Variants in TM9SF2 observed in about 807,000 individuals in gnomAD.
TM9SF2 encodes transmembrane 9 superfamily member 2, also known as 76 kDa membrane protein.
Under a neutral mutation model 84.9 loss-of-function variants are expected in TM9SF2, and 13 were observed. The ratio of observed to expected loss-of-function variants is 0.15; its 90% CI spans 0.10 to 0.24. The LOEUF (loss-of-function observed/expected upper bound fraction) is 0.24, where lower values mean the gene tolerates loss of function less well. Among genes scored for constraint, TM9SF2 ranks in the 10% least tolerant of loss-of-function variants. The probability of loss-of-function intolerance (pLI) is 1.00; values close to 1 mark genes in which losing one functional copy is unlikely to be tolerated. For missense variants in TM9SF2, 562 were observed against 818.5 expected (o/e 0.69, Z 3.82); for synonymous variants, 273 against 285.8 (o/e 0.96, Z 0.45).
chr13:99,536,462 C>G lies in TM9SF2; in HGVS notation c.462-146C>G, dbSNP rs146875346. ...TATTGTTATTGCTTATGAAATAGCACATTTCATTAACATTCTTTGTGGTTT... is the reference window on the plus strand; with the variant it reads ...TATTGTTATTGCTTATGAAATAGCAGATTTCATTAACATTCTTTGTGGTTT... On this transcript the variant is annotated intron_variant, in intron 4 of 16. Coordinates refer to ENST00000376387, the MANE Select transcript of TM9SF2 (RefSeq NM_004800.3). 6.8e-5 allele frequency: 65 copies of G among 962,070 alleles called. No homozygotes were observed. The African/African-American group carries it at 9.5e-4, about 14-fold the overall frequency. 59.6% of individuals were successfully genotyped at this position (962,070 alleles called of 1,614,324 possible).
chr13:99,560,705 G>A (rs574819736), intron 16 of TM9SF2, among the ~76,000 whole-genome samples: 9 of 151,654 alleles, frequency 5.9e-5, no homozygotes, highest in Admixed American at 2.0e-4. Context: ...TTTTTGAGAC[G>A]GAGTCTCACT....
At chr13:99,517,079 C>A (rs1196255387) in intron 1 of TM9SF2, among the ~76,000 whole-genome samples, 1 of 151,996 alleles carries the variant, frequency 6.6e-6, no homozygotes, top group Non-Finnish European at 1.5e-5. Context: ...GAGACATTTG[C>A]AACTCTGAAA....
chr13:99,552,678 A>C (rs944482875), intron 13 of TM9SF2, among the ~76,000 whole-genome samples: 2 of 152,210 alleles, frequency 1.3e-5, no homozygotes, highest in Non-Finnish European at 2.9e-5. Flanking sequence ...ATCTCGGCTC[A>C]CTGCAACCTC....
At chr13:99,510,861 C>T (rs905629942) in intron 1 of TM9SF2, among the ~76,000 whole-genome samples, 4 of 152,150 alleles carry the variant, frequency 2.6e-5, no homozygotes, top group Non-Finnish European at 5.9e-5. Context: ...ATTATTTTGT[C>T]ATCCAAAATG....
chr13:99,559,309 C>A, intron 15 of TM9SF2, 54 bp from the exon 16 acceptor site: 1 of 1,462,360 alleles, frequency 6.8e-7, no homozygotes. Context: ...TAGTAAGCTA[C>A]ATCTTATCTA....
At chr13:99,529,758 G>A (rs1202317581) in intron 4 of TM9SF2, among the ~76,000 whole-genome samples, 164 bp downstream of exon 4, 7 of 152,150 alleles carry the variant, frequency 4.6e-5, no homozygotes, top group African/African-American at 7.2e-5. Flanking sequence ...CTTAGTTAAA[G>A]ATGACAACAT....
At chr13:99,549,102 T>C in intron 11 of TM9SF2, 63 bp from the exon 12 acceptor site, 1 of 1,416,742 alleles carries the variant, frequency 7.1e-7, no homozygotes, top group South Asian at 1.2e-5. Flanking sequence ...AGACTTGTAA[T>C]ATGGATATTT....
chr13:99,555,205 C>A (rs996684104), intron 14 of TM9SF2, among the ~76,000 whole-genome samples: 2 of 152,136 alleles, frequency 1.3e-5, no homozygotes, highest in Non-Finnish European at 1.5e-5. Context: ...TGATAAGAAA[C>A]GGTTACCTAT....
intron 4 of TM9SF2, among the ~76,000 whole-genome samples, chr13:99,531,382 A>C (rs2046208527): frequency 6.6e-6 from 1 of 152,170 alleles, no homozygotes. Flanking sequence ...ATATTAGATC[A>C]CATTGTTTGC....
At chr13:99,548,200 C>T (rs2046291619) in intron 11 of TM9SF2, among the ~76,000 whole-genome samples, 1 of 152,108 alleles carries the variant, frequency 6.6e-6, no homozygotes, top group Admixed American at 6.6e-5. Flanking sequence ...TTTCCCACAC[C>T]CTGCTCCCAT....
chr13:99,530,604 C>G (rs2046204317), intron 4 of TM9SF2, among the ~76,000 whole-genome samples: 1 of 152,178 alleles, frequency 6.6e-6, no homozygotes, highest in Non-Finnish European at 1.5e-5. Context: ...GGACCTGGGT[C>G]AGTCTTCTAG....
At chr13:99,550,269 C>CA (rs2046300298) in intron 12 of TM9SF2, among the ~76,000 whole-genome samples, 1 of 152,170 alleles carries the variant, frequency 6.6e-6, no homozygotes, top group African/African-American at 2.4e-5. Flanking sequence ...CTATTCCCAA[C>CA]AAAATGCCTT....
At chr13:99,532,533 T>C (rs1272170001) in intron 4 of TM9SF2, among the ~76,000 whole-genome samples, 1 of 151,822 alleles carries the variant, frequency 6.6e-6, no homozygotes, top group Non-Finnish European at 1.5e-5. Flanking sequence ...CTACTAAAAA[T>C]ACAAAAATTA....
chr13:99,534,203 G>C (rs980618577), intron 4 of TM9SF2, among the ~76,000 whole-genome samples: 3 of 152,130 alleles, frequency 2.0e-5, no homozygotes, highest in African/African-American at 7.2e-5. Context: ...CTAGTTATCA[G>C]AGTACTTACC....
Position 99,508,754 on chromosome 13 carries a change from C to G in TM9SF2, c.171+6977C>G, listed in dbSNP as rs376175725. On this transcript the variant is annotated intron_variant, in intron 1 of 16. Transcript: ENST00000376387. ...CTGTTGAGCGAGATGCCACACTTTA[C>G]AACAAGCAGATCTCACAAGGACTCA... 2.6e-5 allele frequency among the ~76,000 whole-genome samples: 4 copies of G among 152,222 alleles called. No individual in the cohort carries two copies. The East Asian group carries it at 7.7e-4, about 29-fold the overall frequency.
At chr13:99,515,288 C>T (rs2046129139) in intron 1 of TM9SF2, among the ~76,000 whole-genome samples, 1 of 152,218 alleles carries the variant, frequency 6.6e-6, no homozygotes, top group African/African-American at 2.4e-5. Context: ...TGAATTCTGA[C>T]ATATCTTCAT....
At chr13:99,531,361 G>A (rs1448886030) in intron 4 of TM9SF2, among the ~76,000 whole-genome samples, 1 of 152,122 alleles carries the variant, frequency 6.6e-6, no homozygotes, top group Admixed American at 6.5e-5. Flanking sequence ...TTGGATATTT[G>A]TCCTGTCAGT....
chr13:99,546,882 T>G, intron 10 of TM9SF2, 103 bp from the exon 11 acceptor site: 1 of 1,515,256 alleles, frequency 6.6e-7, no homozygotes, highest in Non-Finnish European at 9.0e-7. Flanking sequence ...TTGCGTGAAG[T>G]TGTATTTTTT....
intron 12 of TM9SF2, among the ~76,000 whole-genome samples, chr13:99,549,631 A>T (rs1213734733): frequency 6.6e-6 from 1 of 152,202 alleles, no homozygotes; most frequent in Admixed American, 6.5e-5. Flanking sequence ...TCCATTAAGT[A>T]AAGTAATATA....
Sources: allele counts gnomAD v4.1 joint callset (sites outside exome capture counted in the v4.1 genomes callset), GRCh38; gene constraint gnomAD v4.1.1; transcripts MANE v1.5; gene names NCBI Gene and HGNC (gene_info 2026-07-23, HGNC 2026-07-21).